Variants in ADGRV1 observed in about 807,000 individuals in gnomAD.
ADGRV1 encodes G-protein coupled receptor 98.
Under a neutral mutation model 596.2 loss-of-function variants are expected in ADGRV1, and 359 were observed. The observed-to-expected ratio is 0.60, with a 90% confidence interval of 0.55 to 0.66. The LOEUF (loss-of-function observed/expected upper bound fraction) is 0.66. Ranked by LOEUF, ADGRV1 falls within the 30% of genes least tolerant of loss-of-function variation. The pLI is 0.00. For missense variants in ADGRV1, 7,274 were observed against 7,575.6 expected (o/e 0.96, Z 1.48); for synonymous variants, 2,681 against 2,679.2 (o/e 1.00, Z -0.02).
At chr5:90,821,950 T>G (rs868049613) in intron 75 of ADGRV1, 2 of 152,168 alleles carry the variant, frequency 1.3e-5, no homozygotes, top group Admixed American at 6.7e-5. Context: ...CCACCCAGTT[T>G]GAGCTTCCTG....
chr5:90,925,554 A>G (rs535453590), intron 83 of ADGRV1, among the ~76,000 whole-genome samples: 1 of 152,188 alleles, frequency 6.6e-6, no homozygotes, highest in African/African-American at 2.4e-5. Flanking sequence ...GGTTTTCTAG[A>G]TATACAGTCA....
chr5:90,565,842 A>C (rs1031695729), intron 1 of ADGRV1, among the ~76,000 whole-genome samples: 1 of 152,034 alleles, frequency 6.6e-6, no homozygotes, highest in South Asian at 2.1e-4. Context: ...CTGTCTTTTT[A>C]TGTTAACCAT....
intron 86 of ADGRV1, among the ~76,000 whole-genome samples, chr5:91,092,230 G>T (rs1459127779): frequency 6.6e-6 from 1 of 152,160 alleles, no homozygotes; most frequent in African/African-American, 2.4e-5. Context: ...CTCCCGAATA[G>T]CTGGGATTAC....
intron 71 of ADGRV1, chr5:90,804,841 C>T (rs1268958008): frequency 6.6e-6 from 1 of 152,060 alleles, no homozygotes; most frequent in Non-Finnish European, 1.5e-5. Context: ...AAAATTAAGT[C>T]AGAGCTGAAA....
intron 52 of ADGRV1, among the ~76,000 whole-genome samples, chr5:90,747,210 C>T (rs1235930471): frequency 6.6e-6 from 1 of 151,948 alleles, no homozygotes; most frequent in Non-Finnish European, 1.5e-5. Flanking sequence ...GCAGAAGGAC[C>T]CATCAGCAAG....
chr5:90,978,696 A>AAT (rs1170097283), intron 84 of ADGRV1, among the ~76,000 whole-genome samples: 2 of 152,150 alleles, frequency 1.3e-5, no homozygotes, highest in African/African-American at 4.8e-5. Context: ...TTACCCCATA[A>AAT]ATATATACCT....
chr5:90,799,336 A>G (rs1167060093), intron 70 of ADGRV1, among the ~76,000 whole-genome samples: 1 of 152,184 alleles, frequency 6.6e-6, no homozygotes, highest in Non-Finnish European at 1.5e-5. Context: ...AATTGCTACT[A>G]AGAGAATAAA....
rs1749303823 is a variant in ADGRV1, at chr5:90,711,184, G to A, written c.8904G>A (p.Arg2968=). 1 of 1,609,536 alleles carries A rather than the reference G, an allele frequency of 6.2e-7. No homozygotes were observed. Among genetic ancestry groups the A allele is most frequent in the East Asian group, 2.2e-5 (1 of 44,850 alleles). ...TTTTTGTTTTTTTGCTATATTATAGGTTTGAAGTAAATGAAACCCATGGAA... is the reference window on the plus strand; with the variant it reads ...TTTTTGTTTTTTTGCTATATTATAGATTTGAAGTAAATGAAACCCATGGAA... ...ARGVIEWQQS[R]FEVNETHGSL... Residue 2968 remains arginine, a splice_region_variant and synonymous_variant, in exon 41 of 90, where the codon AGG becomes AGA. Coordinates refer to ENST00000405460, the MANE Select transcript of ADGRV1 (RefSeq NM_032119.4).
chr5:91,058,178 G>A (rs1787069096), intron 85 of ADGRV1, among the ~76,000 whole-genome samples: 1 of 152,180 alleles, frequency 6.6e-6, no homozygotes, highest in Admixed American at 6.5e-5. Flanking sequence ...TGCTGGGCAG[G>A]CCTCAGAAGT....
At chr5:91,066,002 A>C (rs1022044698) in intron 85 of ADGRV1, among the ~76,000 whole-genome samples, 1 of 152,220 alleles carries the variant, frequency 6.6e-6, no homozygotes, top group Admixed American at 6.5e-5. Flanking sequence ...ACTATTCAAC[A>C]CCCGAAGAGA....
At chr5:90,881,538 A>T (rs548022592) in intron 83 of ADGRV1, among the ~76,000 whole-genome samples, 1 of 152,244 alleles carries the variant, frequency 6.6e-6, no homozygotes, top group Admixed American at 6.5e-5. Context: ...CATCCCATTG[A>T]ATAACTCAAG....
chr5:90,935,247 TG>T (rs1300697243), intron 83 of ADGRV1, among the ~76,000 whole-genome samples: 1 of 152,242 alleles, frequency 6.6e-6, no homozygotes, highest in Non-Finnish European at 1.5e-5. Flanking sequence ...GAAATTAGAT[TG>T]TTCAGCTCTA....
chr5:91,054,759 C>T (rs555335385), intron 85 of ADGRV1, among the ~76,000 whole-genome samples: 16 of 152,300 alleles, frequency 1.1e-4, no homozygotes, highest in South Asian at 2.1e-4. Context: ...AATACCATCA[C>T]GTTGGGGGTT....
chr5:90,700,703 T>C (rs963702330), intron 34 of ADGRV1, among the ~76,000 whole-genome samples: 4 of 152,166 alleles, frequency 2.6e-5, no homozygotes, highest in African/African-American at 9.6e-5. Flanking sequence ...TGTGATTCTT[T>C]AAAGAAATAT....
chr5:90,781,714 T>C (rs1758875965), intron 65 of ADGRV1, 136 bp downstream of exon 65: 1 of 733,606 alleles, frequency 1.4e-6, no homozygotes, highest in African/African-American at 1.8e-5. Context: ...ACTTTTATAT[T>C]TATTTACTTA....
chr5:90,837,010 TA>T (rs1250475526), intron 77 of ADGRV1, among the ~76,000 whole-genome samples: 1 of 152,246 alleles, frequency 6.6e-6, no homozygotes, highest in Non-Finnish European at 1.5e-5. Flanking sequence ...CATTTTACTT[TA>T]AATAGATTAA....
chr5:90,647,762 C>A lies in ADGRV1; in HGVS notation c.3287C>A (p.Thr1096Lys). Residue 1096 changes from threonine (T) to lysine (K), a missense_variant and splice_region_variant, in exon 17 of 90, where the codon ACA becomes AAA. Physicochemically the swap from Thr to Lys is moderately conservative, Grantham distance 78. Transcript: ENST00000405460. ...EPFYIILLNS[T>K]GDTVVYQYGV... ...TTTTATATAATCCTCTTGAATTCAA[C>A]AGGTAAGTAAATTATGCTTTTTTAT... 6.2e-7 allele frequency: 1 copy of A among 1,610,286 alleles called. No individual in the cohort carries two copies. Among genetic ancestry groups the A allele is most frequent in the Non-Finnish European group, 8.5e-7 (1 of 1,177,744 alleles).
At chr5:91,119,376 A>G (rs1290140603) in intron 87 of ADGRV1, among the ~76,000 whole-genome samples, 2 of 152,192 alleles carry the variant, frequency 1.3e-5, no homozygotes, top group Non-Finnish European at 2.9e-5. Context: ...AAGAAGAAAA[A>G]TGTAGGCACA....
intron 57 of ADGRV1, 98 bp downstream of exon 57, chr5:90,757,259 T>G: frequency 2.3e-6 from 2 of 872,702 alleles, no homozygotes; most frequent in South Asian, 3.2e-5. Flanking sequence ...GCTAAATGCA[T>G]TATACTCTAA....
Sources: gnomAD v4.1 joint callset for allele counts (sites outside exome capture counted in the v4.1 genomes callset) on GRCh38, gnomAD v4.1.1 for gene constraint, MANE v1.5 for transcripts, NCBI Gene and HGNC (gene_info 2026-07-23, HGNC 2026-07-21) for gene names.